The following CPNE4 variants were observed in gnomAD, a reference collection of about 807,000 sequenced individuals.
The protein encoded by CPNE4 is copine-4.
CPNE4 carries 25 observed loss-of-function variants against 67.9 expected under a neutral mutation model. The ratio of observed to expected loss-of-function variants is 0.37; its 90% CI spans 0.27 to 0.51. The LOEUF is 0.51. Ranked by LOEUF, CPNE4 falls within the 20% of genes least tolerant of loss-of-function variation. The pLI, the probability that CPNE4 is intolerant of heterozygous loss-of-function variation, is 0.93. For missense variants in CPNE4, 464 were observed against 690.8 expected (o/e 0.67, Z 3.68); for synonymous variants, 242 against 244.9 (o/e 0.99, Z 0.11).
rs2070913077 is a variant in CPNE4, at chr3:131,926,954, G to A, written c.-1-21510C>T. ...GGTAATAAGAGAGGGGTACAGAATT[G>A]AGTTATAGAATTAGGGTGTGGGAGA... On this transcript the variant is annotated intron_variant, in intron 1 of 15. Transcript: ENST00000429747. Among the ~76,000 whole-genome samples the A allele has an allele frequency of 1.3e-5, 2 of 152,088 alleles. 1 individual carries two copies. Among genetic ancestry groups the A allele is most frequent in the South Asian group, 4.1e-4 (2 of 4,824 alleles).
intron 1 of CPNE4, among the ~76,000 whole-genome samples, chr3:131,932,041 C>T (rs1352284915): frequency 1.3e-5 from 2 of 152,132 alleles, no homozygotes. Context: ...GTTTCCCATG[C>T]ACATAGCAGT....
At chr3:131,876,132 A>G (rs529002196) in intron 2 of CPNE4, among the ~76,000 whole-genome samples, 4 of 151,614 alleles carry the variant, frequency 2.6e-5, no homozygotes, top group African/African-American at 7.3e-5. Flanking sequence ...CCAGCTACTC[A>G]GAAGACTGAG....
chr3:131,930,396 T>C (rs943494981), intron 1 of CPNE4, among the ~76,000 whole-genome samples: 1 of 152,046 alleles, frequency 6.6e-6, no homozygotes, highest in African/African-American at 2.4e-5. Context: ...CAGGGGAACG[T>C]ACACCCTGAC....
intron 15 of CPNE4, among the ~76,000 whole-genome samples, chr3:131,541,179 C>A (rs986766062): frequency 6.6e-6 from 1 of 152,140 alleles, no homozygotes; most frequent in East Asian, 1.9e-4. Context: ...AAGTTACCCC[C>A]ACAGGTGCCT....
intron 7 of CPNE4, among the ~76,000 whole-genome samples, chr3:131,595,215 T>A (rs1305322511): frequency 2.0e-5 from 3 of 151,896 alleles, no homozygotes; most frequent in African/African-American, 7.3e-5. Flanking sequence ...CACACTGGGG[T>A]GGAAATACAA....
At chr3:131,570,901 T>A (rs1559916744) in intron 10 of CPNE4, among the ~76,000 whole-genome samples, 1 of 152,096 alleles carries the variant, frequency 6.6e-6, no homozygotes, top group South Asian at 2.1e-4. Context: ...CTGCTTATAG[T>A]CTGATTCTAG....
intron 6 of CPNE4, among the ~76,000 whole-genome samples, chr3:131,679,221 CG>C (rs1346203357): frequency 2.0e-5 from 3 of 151,960 alleles, no homozygotes; most frequent in Admixed American, 6.6e-5. Context: ...ATGTGCATAG[CG>C]GTGTTTATAA....
At chr3:131,938,264 G>A (rs952261915) in intron 1 of CPNE4, among the ~76,000 whole-genome samples, 9 of 151,878 alleles carry the variant, frequency 5.9e-5, no homozygotes, top group African/African-American at 1.5e-4. Flanking sequence ...GGCTGAGATC[G>A]GAGGATCACT....
At chr3:131,570,322 TA>T (rs1249518742) in intron 10 of CPNE4, among the ~76,000 whole-genome samples, 41 of 146,524 alleles carry the variant, frequency 2.8e-4, no homozygotes, top group Non-Finnish European at 4.9e-4. Flanking sequence ...TTTATTTATT[TA>T]TTTATTTATT....
At chr3:131,622,451 C>T (rs953181223) in intron 7 of CPNE4, among the ~76,000 whole-genome samples, 9 of 152,254 alleles carry the variant, frequency 5.9e-5, no homozygotes, top group East Asian at 5.8e-4. Flanking sequence ...CCTAAAGTGT[C>T]GCTCATTTAA....
intron 2 of CPNE4, among the ~76,000 whole-genome samples, chr3:131,802,974 C>G (rs941802255): frequency 2.0e-5 from 3 of 152,042 alleles, no homozygotes; most frequent in African/African-American, 7.2e-5. Context: ...GATGGAAAAC[C>G]TGTATGGACT....
chr3:132,033,638 C>A lies in CPNE4; in HGVS notation c.-2+929G>T, dbSNP rs2074287935. Among the ~76,000 whole-genome samples the A allele has an allele frequency of 2.0e-5, 3 of 152,334 alleles. No homozygotes were observed. The South Asian group carries it at 6.2e-4, about 32-fold the overall frequency. ...GCAGGTTCTGGGGCTGAAAGGCAAT[C>A]CGCCAAGGCGCCCTGGGGCGCCGTC... On this transcript the variant is annotated intron_variant, in intron 1 of 15. Coordinates refer to ENST00000429747, the MANE Select transcript of CPNE4 (RefSeq NM_130808.3).
chr3:131,630,756 T>C (rs925303477), intron 7 of CPNE4, among the ~76,000 whole-genome samples: 2 of 152,136 alleles, frequency 1.3e-5, no homozygotes, highest in African/African-American at 4.8e-5. Context: ...CCAATAGCAA[T>C]AGATTATAAG....
At chr3:131,589,547 C>T (rs1388663573) in intron 7 of CPNE4, among the ~76,000 whole-genome samples, 2 of 152,170 alleles carry the variant, frequency 1.3e-5, no homozygotes, top group African/African-American at 2.4e-5. Flanking sequence ...TCTGGCAATA[C>T]CCTCAGAGAC....
chr3:131,703,026 G>A (rs1246244875), intron 3 of CPNE4, among the ~76,000 whole-genome samples: 3 of 152,190 alleles, frequency 2.0e-5, no homozygotes, highest in Non-Finnish European at 4.4e-5. Flanking sequence ...GAAATGAGTT[G>A]CCATTGATGT....
intron 2 of CPNE4, among the ~76,000 whole-genome samples, chr3:131,834,383 C>T (rs1044530176): frequency 1.3e-5 from 2 of 152,084 alleles, no homozygotes; most frequent in East Asian, 3.8e-4. Context: ...CAAGGAGATT[C>T]TATGTCACCT....
chr3:131,705,356 G>A (rs1198224601), intron 3 of CPNE4, among the ~76,000 whole-genome samples: 1 of 152,170 alleles, frequency 6.6e-6, no homozygotes, highest in Non-Finnish European at 1.5e-5. Flanking sequence ...AGACCCTCAG[G>A]TGCTCTGCAG....
intron 2 of CPNE4, among the ~76,000 whole-genome samples, chr3:131,875,601 T>C (rs1176871894): frequency 6.6e-6 from 1 of 150,562 alleles, no homozygotes; most frequent in African/African-American, 2.4e-5. Flanking sequence ...AAACACCGCA[T>C]GTTCTCACTC....
At chr3:131,871,912 C>A (rs141863465) in intron 2 of CPNE4, among the ~76,000 whole-genome samples, 1 of 152,272 alleles carries the variant, frequency 6.6e-6, no homozygotes, top group African/African-American at 2.4e-5. Context: ...CATACCAGCC[C>A]AGGCTAAGTA....
Sources: gnomAD v4.1 joint callset for allele counts (sites outside exome capture counted in the v4.1 genomes callset) on GRCh38, gnomAD v4.1.1 for gene constraint, MANE v1.5 for transcripts, NCBI Gene and HGNC (gene_info 2026-07-23, HGNC 2026-07-21) for gene names.